C1orf21: variants seen among roughly 807,000 people sequenced by gnomAD.
C1orf21 encodes uncharacterized protein C1orf21.
C1orf21 carries 3 observed loss-of-function variants against 18.7 expected under a neutral mutation model. The observed-to-expected ratio is 0.16, with a 90% CI of 0.07 to 0.42. The LOEUF is 0.42. Ranked by LOEUF, C1orf21 falls within the 10% of genes least tolerant of loss-of-function variation. The probability of loss-of-function intolerance (pLI) is 0.99; values close to 1 mark genes in which losing one functional copy is unlikely to be tolerated. For synonymous variants in C1orf21, 41 were observed against 46.4 expected, an observed-to-expected ratio of 0.88 and a Z score of 0.47; for missense variants, 104 against 143.6, an observed-to-expected ratio of 0.72 and a Z score of 1.41.
chr1:184,460,622 C>CG (rs1225149001), intron 1 of C1orf21, among the ~76,000 whole-genome samples: 339 of 13,208 alleles, frequency 0.026, 1 homozygote, highest in African/African-American at 0.033. Flanking sequence ...TCGTCGTCGT[C>CG]TTCTTCTTCT....
chr1:184,411,220 G>A (rs61502552), intron 1 of C1orf21, among the ~76,000 whole-genome samples: 40,998 of 151,802 alleles, frequency 0.27, 8,009 homozygotes, highest in African/African-American at 0.56. Context: ...GTTCTAGAGG[G>A]CTCTTCTGCA....
At chr1:184,618,332 C>G (rs1308385357) in intron 5 of C1orf21, among the ~76,000 whole-genome samples, 1 of 152,146 alleles carries the variant, frequency 6.6e-6, no homozygotes, top group East Asian at 1.9e-4. Context: ...TTCAACTATT[C>G]TGTGAAATAG....
At chr1:184,454,010 G>A (rs992555653) in intron 1 of C1orf21, among the ~76,000 whole-genome samples, 1 of 152,142 alleles carries the variant, frequency 6.6e-6, no homozygotes, top group Non-Finnish European at 1.5e-5. Flanking sequence ...ATTGTGTAGG[G>A]ACCCTGAGTG....
At chr1:184,428,678 G>C (rs1656683492) in intron 1 of C1orf21, among the ~76,000 whole-genome samples, 1 of 152,098 alleles carries the variant, frequency 6.6e-6, no homozygotes, top group Non-Finnish European at 1.5e-5. Flanking sequence ...ATTTACTTTT[G>C]TATCTTAGAG....
chr1:184,522,656 A>G, intron 3 of C1orf21, among the ~76,000 whole-genome samples: 1 of 152,316 alleles, frequency 6.6e-6, no homozygotes, highest in Non-Finnish European at 1.5e-5. Context: ...CTATTAATCT[A>G]GTGGAGAATA....
intron 3 of C1orf21, chr1:184,566,537 AAC>A: frequency 5.7e-6 from 2 of 349,706 alleles, no homozygotes; most frequent in East Asian, 7.1e-5. Context: ...GAAGAGTCCT[AAC>A]ACACAGCCTC....
At chr1:184,438,460 C>T (rs530196183) in intron 1 of C1orf21, among the ~76,000 whole-genome samples, 3 of 152,272 alleles carry the variant, frequency 2.0e-5, no homozygotes, top group African/African-American at 7.2e-5. Context: ...CACTGTTCAG[C>T]CCCCTCAAGT....
intron 1 of C1orf21, among the ~76,000 whole-genome samples, chr1:184,448,458 A>G (rs1657067240): frequency 6.6e-6 from 1 of 152,202 alleles, no homozygotes; most frequent in Non-Finnish European, 1.5e-5. Flanking sequence ...TGGGTGCTAC[A>G]TATGTAAGCA....
intron 1 of C1orf21, among the ~76,000 whole-genome samples, chr1:184,461,365 G>A (rs557549588): frequency 1.4e-4 from 21 of 152,292 alleles, no homozygotes; most frequent in Admixed American, 6.5e-4. Context: ...GCAGCCACGC[G>A]ATGTTGAGAG....
At chr1:184,394,731 C>A (rs796173034) in intron 1 of C1orf21, among the ~76,000 whole-genome samples, 3 of 152,236 alleles carry the variant, frequency 2.0e-5, no homozygotes, top group African/African-American at 7.2e-5. Context: ...CTGCCAAAAG[C>A]AGTTTTTCTA....
Position 184,387,732 on chromosome 1 carries a change from C to A in C1orf21, c.-125+364C>A, listed in dbSNP as rs1655909951. ...TCCCTTCCCACCCGCACCCTGCCGC[C>A]CTCAGCCTTCCTGCTCTCCTCTAGC... is the stretch of plus-strand genomic sequence containing the variant. On this transcript the variant is annotated intron_variant, in intron 1 of 5. Coordinates refer to ENST00000235307, the MANE Select transcript of C1orf21 (RefSeq NM_030806.4). This position sits in a 1 kb window ranked among gnomAD's most constrained non-coding sequence, Gnocchi z 5.6. Among the ~76,000 whole-genome samples the A allele has an allele frequency of 6.6e-6, 1 of 152,224 alleles. No individual in the cohort carries two copies. Among genetic ancestry groups the A allele is most frequent in the Non-Finnish European group, 1.5e-5 (1 of 68,038 alleles).
chr1:184,491,160 CTTTA>C (rs754418081), intron 2 of C1orf21, among the ~76,000 whole-genome samples: 1 of 151,982 alleles, frequency 6.6e-6, no homozygotes, highest in Non-Finnish European at 1.5e-5. Context: ...AATCAGTGAA[CTTTA>C]TTTAGAAAGT....
At chr1:184,514,914 G>C (rs1047385026) in intron 3 of C1orf21, among the ~76,000 whole-genome samples, 122 of 152,272 alleles carry the variant, frequency 8.0e-4, no homozygotes, top group Middle Eastern at 3.4e-3. Flanking sequence ...TATTTTCTGT[G>C]GGTATCCATA....
At chr1:184,523,422 C>G (rs887898267) in intron 3 of C1orf21, among the ~76,000 whole-genome samples, 1 of 151,972 alleles carries the variant, frequency 6.6e-6, no homozygotes, top group Non-Finnish European at 1.5e-5. Flanking sequence ...GGGCATTCTA[C>G]AAAATATCTG....
chr1:184,518,793 A>T (rs1658265609), intron 3 of C1orf21, among the ~76,000 whole-genome samples: 1 of 151,976 alleles, frequency 6.6e-6, no homozygotes, highest in Non-Finnish European at 1.5e-5. Flanking sequence ...CACAGTTGCA[A>T]CTCTCAGGAA....
chr1:184,552,758 A>G (rs1658830102), intron 3 of C1orf21, among the ~76,000 whole-genome samples: 1 of 152,232 alleles, frequency 6.6e-6, no homozygotes, highest in Admixed American at 6.5e-5. Flanking sequence ...GATAAACAGC[A>G]GAGAGAGAAA....
At chr1:184,421,770 G>A (rs1039726392) in intron 1 of C1orf21, among the ~76,000 whole-genome samples, 10 of 152,182 alleles carry the variant, frequency 6.6e-5, no homozygotes, top group Non-Finnish European at 1.3e-4. Flanking sequence ...TAGGATGAGT[G>A]GGAAATACTA....
chr1:184,457,121 T>A (rs1349220585), intron 1 of C1orf21, among the ~76,000 whole-genome samples: 1 of 152,182 alleles, frequency 6.6e-6, no homozygotes. Context: ...GATCCATAAA[T>A]GCTGTTGCTG....
chr1:184,579,204 AT>A (rs71101937), intron 3 of C1orf21, among the ~76,000 whole-genome samples: 11,873 of 136,714 alleles, frequency 0.087, 682 homozygotes, highest in African/African-American at 0.17. Flanking sequence ...TGCCTGGCTA[AT>A]TTTTTTTTTT....
Sources: allele counts gnomAD v4.1 joint callset (sites outside exome capture counted in the v4.1 genomes callset), GRCh38; gene constraint gnomAD v4.1.1; non-coding constraint Gnocchi (gnomAD v3.1); transcripts MANE v1.5; gene names NCBI Gene and HGNC (gene_info 2026-07-23, HGNC 2026-07-21).